Variants in FHIT observed in about 807,000 individuals in gnomAD.
FHIT encodes fragile histidine triad diadenosine triphosphatase.
A neutral mutation model predicts 17.9 loss-of-function variants in FHIT; 19 were observed. The ratio of observed to expected loss-of-function variants is 1.06; its 90% CI spans 0.74 to 1.56. FHIT has a LOEUF of 1.56. Ranked by LOEUF, FHIT falls within the 40% of genes most tolerant of loss-of-function variation. FHIT has a pLI of 0.00. For missense variants in FHIT, 248 were observed against 189.2 expected, an observed-to-expected ratio of 1.31 and a Z score of -1.82; for synonymous variants, 81 against 69.7, an observed-to-expected ratio of 1.16 and a Z score of -0.81.
intron 4 of FHIT, among the ~76,000 whole-genome samples, chr3:60,751,232 T>C (rs17063916): frequency 0.035 from 5,322 of 152,344 alleles, 309 homozygotes; most frequent in African/African-American, 0.12. Flanking sequence ...TGAAGAAATC[T>C]GAGAAATGGA....
chr3:60,799,546 C>T (rs368510992), intron 4 of FHIT, among the ~76,000 whole-genome samples: 9 of 152,264 alleles, frequency 5.9e-5, no homozygotes, highest in African/African-American at 2.2e-4. Context: ...TTATCTTGTG[C>T]ACTTCCTTCC....
intron 3 of FHIT, among the ~76,000 whole-genome samples, chr3:60,834,155 T>C (rs1445296274): frequency 1.3e-5 from 2 of 152,202 alleles, no homozygotes; most frequent in Non-Finnish European, 2.9e-5. Flanking sequence ...CCCAGGAGTA[T>C]GATAAGTGCA....
At chr3:60,883,384 C>G (rs999862812) in intron 3 of FHIT, among the ~76,000 whole-genome samples, 1 of 152,054 alleles carries the variant, frequency 6.6e-6, no homozygotes, top group Non-Finnish European at 1.5e-5. Flanking sequence ...TTATGTGGAA[C>G]CACTGAAGAC....
At chr3:60,846,448 C>G (rs922717648) in intron 3 of FHIT, among the ~76,000 whole-genome samples, 2 of 152,200 alleles carry the variant, frequency 1.3e-5, no homozygotes, top group African/African-American at 4.8e-5. Context: ...GATTTGAGTT[C>G]TAAAGCCGGA....
intron 5 of FHIT, among the ~76,000 whole-genome samples, chr3:60,089,895 A>C (rs921964303): frequency 6.6e-6 from 1 of 152,218 alleles, no homozygotes; most frequent in Non-Finnish European, 1.5e-5. Context: ...ACAAATATTC[A>C]AACCATAGAA....
At position 60,466,993 on chromosome 3, in the gene FHIT, C is replaced by T. The variant is rs570327263; in HGVS notation, c.103+69867G>A. On this transcript the variant is annotated intron_variant, in intron 5 of 9. Transcript: ENST00000492590. ...ATTTGCTAAAATTCAGCAGTTAAGC[C>T]ATCAAATCTAGCGCTTTTCTTTGCT... Among the ~76,000 whole-genome samples the T allele has an allele frequency of 8.6e-5, 13 of 151,988 alleles. No homozygotes were observed. The East Asian group carries it at 1.4e-3, about 16-fold the overall frequency.
intron 5 of FHIT, among the ~76,000 whole-genome samples, chr3:60,068,141 CAGG>C (rs1702601118): frequency 6.6e-6 from 1 of 152,102 alleles, no homozygotes; most frequent in South Asian, 2.1e-4. Context: ...GAGGCTGAGG[CAGG>C]AGAATTCTTT....
chr3:60,107,975 C>T (rs946919888), intron 5 of FHIT, among the ~76,000 whole-genome samples: 8 of 152,174 alleles, frequency 5.3e-5, no homozygotes, highest in African/African-American at 1.9e-4. Context: ...AAATACTACT[C>T]TGGGGTTGCT....
chr3:60,530,725 G>C (rs1400623329), intron 5 of FHIT, among the ~76,000 whole-genome samples: 1 of 152,182 alleles, frequency 6.6e-6, no homozygotes, highest in Non-Finnish European at 1.5e-5. Flanking sequence ...GGCAAGTCAA[G>C]ATGGATGATG....
chr3:60,859,339 A>C (rs527298806), intron 3 of FHIT, among the ~76,000 whole-genome samples: 31 of 152,102 alleles, frequency 2.0e-4, no homozygotes, highest in Non-Finnish European at 4.1e-4. Flanking sequence ...TAAATGTTAG[A>C]TGTTAATGGT....
intron 4 of FHIT, among the ~76,000 whole-genome samples, chr3:60,792,536 A>G (rs1040040084): frequency 2.0e-5 from 3 of 152,264 alleles, no homozygotes; most frequent in East Asian, 1.9e-4. Context: ...AACATTTGCA[A>G]CATAGCCTTG....
intron 5 of FHIT, among the ~76,000 whole-genome samples, chr3:60,075,740 C>T (rs1576039638): frequency 6.6e-6 from 1 of 151,988 alleles, no homozygotes; most frequent in Admixed American, 6.6e-5. Context: ...TAATACATGG[C>T]CATCAATTAT....
At chr3:60,502,663 G>C (rs944716616) in intron 5 of FHIT, among the ~76,000 whole-genome samples, 2 of 152,140 alleles carry the variant, frequency 1.3e-5, no homozygotes, top group Non-Finnish European at 2.9e-5. Flanking sequence ...ATTGTGTTAA[G>C]CACTCAATAG....
At chr3:60,702,307 A>G (rs1454995416) in intron 4 of FHIT, among the ~76,000 whole-genome samples, 1 of 152,216 alleles carries the variant, frequency 6.6e-6, no homozygotes, top group Non-Finnish European at 1.5e-5. Context: ...GTTTAGAAGA[A>G]AAAGTAAAAA....
At chr3:60,935,630 G>A (rs1466190901) in intron 3 of FHIT, among the ~76,000 whole-genome samples, 1 of 152,170 alleles carries the variant, frequency 6.6e-6, no homozygotes, top group Non-Finnish European at 1.5e-5. Flanking sequence ...GGAAGACAAG[G>A]GTGCATCCGT....
intron 4 of FHIT, among the ~76,000 whole-genome samples, chr3:60,597,346 T>C (rs1428296496): frequency 6.6e-6 from 1 of 152,138 alleles, no homozygotes; most frequent in African/African-American, 2.4e-5. Context: ...TCATTATACA[T>C]ACTTAGGAGA....
rs574943427 is a variant in FHIT at position 60,855,547 on chromosome 3, C to T, written c.-110-33536G>A. Among the ~76,000 whole-genome samples, 3 of 152,156 alleles carry T rather than the reference C, an allele frequency of 2.0e-5. 1 individual carries two copies. The South Asian group carries it at 6.2e-4, about 32-fold the overall frequency. ...TGATATTACTGAGTTGCCAAACTAA[C>T]CCTGGGATCCTCTACCTCCTGTTTT... On this transcript the variant is annotated intron_variant, in intron 3 of 9. Transcript: ENST00000492590.
intron 4 of FHIT, among the ~76,000 whole-genome samples, chr3:60,739,982 G>A (rs1416215130): frequency 1.3e-5 from 2 of 152,156 alleles, no homozygotes; most frequent in Non-Finnish European, 1.5e-5. Context: ...AAAGAGAAAT[G>A]TTCAGGTAAC....
intron 2 of FHIT, among the ~76,000 whole-genome samples, chr3:61,175,677 A>C (rs1444823581): frequency 2.0e-5 from 3 of 150,868 alleles, no homozygotes; most frequent in African/African-American, 7.4e-5. Context: ...GGTCAAAAGG[A>C]GTACTCTCTT....
Sources: gnomAD v4.1 joint callset for allele counts (sites outside exome capture counted in the v4.1 genomes callset) on GRCh38, gnomAD v4.1.1 for gene constraint, MANE v1.5 for transcripts, NCBI Gene and HGNC (gene_info 2026-07-23, HGNC 2026-07-21) for gene names.